Variants in TOP1 observed in about 807,000 individuals in gnomAD.
TOP1 encodes the protein DNA topoisomerase 1.
A neutral mutation model predicts 111.1 loss-of-function variants in TOP1; 10 were observed. The ratio of observed to expected loss-of-function variants is 0.09; its 90% CI spans 0.06 to 0.15. The LOEUF (loss-of-function observed/expected upper bound fraction) is 0.15, where lower values mean the gene tolerates loss of function less well. Ranked by LOEUF, TOP1 falls within the 10% of genes least tolerant of loss-of-function variation. TOP1 has a pLI of 1.00. For synonymous variants in TOP1, 271 were observed against 302.9 expected (o/e 0.89, Z 1.10); for missense variants, 474 against 926.7 (o/e 0.51, Z 6.34).
chr20:41,081,469 C>T (rs1293233282), intron 7 of TOP1, among the ~76,000 whole-genome samples: 1 of 152,210 alleles, frequency 6.6e-6, no homozygotes, highest in Non-Finnish European at 1.5e-5. Context: ...CTCAGCCTTC[C>T]TGGGTGTCTG....
chr20:41,122,627 G>T lies in TOP1; in HGVS notation c.2195+472G>T, dbSNP rs755474262. Among the ~76,000 whole-genome samples the T allele has an allele frequency of 1.3e-5, 2 of 152,200 alleles. No homozygotes were observed. The highest frequency in any genetic ancestry group is 6.5e-5 in the Admixed American group (1 of 15,280). On this transcript the variant is annotated intron_variant, in intron 20 of 20. Coordinates refer to ENST00000361337, the MANE Select transcript of TOP1 (RefSeq NM_003286.4). This position sits in a 1 kb window ranked among gnomAD's most constrained non-coding sequence, Gnocchi z 5.4. ...TTTAACAAAAGCAGATAAATACTAG[G>T]TTTCTCTGTGTGTCACACACAGTGT... is the stretch of plus-strand genomic sequence containing the variant.
intron 2 of TOP1, among the ~76,000 whole-genome samples, chr20:41,053,962 G>T (rs1163063876): frequency 2.0e-5 from 3 of 152,040 alleles, no homozygotes; most frequent in East Asian, 3.9e-4. Context: ...CCTTCATGGG[G>T]GTTATACCAA....
chr20:41,075,102 C>G (rs996413197), intron 3 of TOP1, among the ~76,000 whole-genome samples: 2 of 151,874 alleles, frequency 1.3e-5, no homozygotes, highest in South Asian at 4.2e-4. Flanking sequence ...TTTGTTTGTT[C>G]GTTTTTGTTT....
chr20:41,064,483 C>T (rs896848975), intron 3 of TOP1, among the ~76,000 whole-genome samples: 2 of 152,180 alleles, frequency 1.3e-5, no homozygotes, highest in African/African-American at 4.8e-5. Flanking sequence ...CACAGTCATT[C>T]CTTAACAGTT....
chr20:41,106,792 T>C lies in TOP1; in HGVS notation c.1308+5439T>C, dbSNP rs1377334659. Among the ~76,000 whole-genome samples, 2 of 152,176 alleles carry C rather than the reference T, an allele frequency of 1.3e-5. No individual in the cohort carries two copies. Among genetic ancestry groups the C allele is most frequent in the African/African-American group, 2.4e-5 (1 of 41,460 alleles). ...GAGTTGTTCAGGGTTGCTGAACTCT[T>C]AGTTCTAAAAGTGTCTGTCATTTGG... On this transcript the variant is annotated intron_variant, in intron 13 of 20. Transcript: ENST00000361337. This position sits in a 1 kb window ranked among gnomAD's most constrained non-coding sequence, Gnocchi z 4.3.
At position 41,116,572 on chromosome 20, in the gene TOP1, G is replaced by A. The variant is rs1291208412; in HGVS notation, c.1822+180G>A. On this transcript the variant is annotated intron_variant, in intron 17 of 20. Coordinates refer to ENST00000361337, the MANE Select transcript of TOP1 (RefSeq NM_003286.4). This position sits in a 1 kb window ranked among gnomAD's most constrained non-coding sequence, Gnocchi z 5.6. ...GTTGTATAAACATAGGATCAATGCT[G>A]TTTCCCCCTTCCCACCCCAACTTCA... 6.6e-6 allele frequency among the ~76,000 whole-genome samples: 1 copy of A among 152,084 alleles called. No homozygotes were observed. Among genetic ancestry groups the A allele is most frequent in the Non-Finnish European group, 1.5e-5 (1 of 68,040 alleles).
At position 41,036,401 on chromosome 20, in the gene TOP1, A is replaced by G. The variant is rs374923018; in HGVS notation, c.58+6946A>G. Among the ~76,000 whole-genome samples, 34 of 152,344 alleles carry G rather than the reference A, an allele frequency of 2.2e-4. 3 individuals carry two copies. Among genetic ancestry groups the G allele is most frequent in the African/African-American group, 7.7e-4 (32 of 41,582 alleles). ...ATCGAGATAAGTCCCTGTTCTTCCTATGAAACATGATCTGACCACTGAACC... is the reference window on the plus strand; with the variant it reads ...ATCGAGATAAGTCCCTGTTCTTCCTGTGAAACATGATCTGACCACTGAACC... On this transcript the variant is annotated intron_variant, in intron 2 of 20. Coordinates refer to ENST00000361337, the MANE Select transcript of TOP1 (RefSeq NM_003286.4).
chr20:41,081,918 G>T lies in TOP1; in HGVS notation c.507+678G>T, dbSNP rs34780300. On this transcript the variant is annotated intron_variant, in intron 7 of 20. Transcript: ENST00000361337. ...CCTATAACCTTCCTCAAAAAACTCA[G>T]TTCCGTTTAAATGCTTTCCTAAATG... Among the ~76,000 whole-genome samples, 1,293 of 152,274 alleles carry T rather than the reference G, an allele frequency of 8.5e-3. 18 individuals are homozygous for T. The highest frequency in any genetic ancestry group is 0.051 in the South Asian group (246 of 4,826).
chr20:41,121,820 C>T lies in TOP1; in HGVS notation c.2045+30C>T, dbSNP rs773325651. 12 of 1,603,852 alleles carry T rather than the reference C, an allele frequency of 7.5e-6. No individual in the cohort carries two copies. The highest frequency in any genetic ancestry group is 1.7e-5 in the Admixed American group (1 of 59,982). On this transcript the variant is annotated intron_variant, in intron 19 of 20. Coordinates refer to ENST00000361337, the MANE Select transcript of TOP1 (RefSeq NM_003286.4). The surrounding 1 kb of genome is among the most constrained non-coding windows in gnomAD (Gnocchi z 4.2). Reference sequence around the variant, plus strand: ...GTACCTGGTATTGTGAAAGTTGGGGCTGGTAGAGAAAAGTGTGCAGCATCT... The same window carrying T: ...GTACCTGGTATTGTGAAAGTTGGGGTTGGTAGAGAAAAGTGTGCAGCATCT...
chr20:41,058,794 C>T lies in TOP1; in HGVS notation c.59-2600C>T, dbSNP rs539005758. On this transcript the variant is annotated intron_variant, in intron 2 of 20. Coordinates refer to ENST00000361337, the MANE Select transcript of TOP1 (RefSeq NM_003286.4). This position sits in a 1 kb window ranked among gnomAD's most constrained non-coding sequence, Gnocchi z 4.2. Reference sequence around the variant, plus strand: ...TTGTGTAAGGTTAGAATAGAGGGTCCGGAAATAGACCTATAATTATATGAC... The same window carrying T: ...TTGTGTAAGGTTAGAATAGAGGGTCTGGAAATAGACCTATAATTATATGAC... Among the ~76,000 whole-genome samples the T allele has an allele frequency of 1.4e-4, 22 of 152,000 alleles. No homozygotes were observed. In the South Asian group the frequency reaches 3.7e-3, roughly 26 times the overall value.
chr20:41,118,329 G>A lies in TOP1; in HGVS notation c.1950+33G>A, dbSNP rs1310659660. The A allele has an allele frequency of 1.2e-6, 2 of 1,610,126 alleles. No homozygotes were observed. Among genetic ancestry groups the A allele is most frequent in the Non-Finnish European group, 8.5e-7 (1 of 1,177,182 alleles). ...GGATAAAATGAAGGGAACTGTGTCTGCTGTGGGCAGATTATCTGCGAATGA... is the reference window on the plus strand; with the variant it reads ...GGATAAAATGAAGGGAACTGTGTCTACTGTGGGCAGATTATCTGCGAATGA... On this transcript the variant is annotated intron_variant, in intron 18 of 20. Transcript: ENST00000361337. This position sits in a 1 kb window ranked among gnomAD's most constrained non-coding sequence, Gnocchi z 4.6.
chr20:41,097,469 C>A lies in TOP1; in HGVS notation c.852+128C>A. 1 of 986,990 alleles carries A rather than the reference C, an allele frequency of 1.0e-6. No individual in the cohort carries two copies. The highest frequency in any genetic ancestry group is 1.5e-6 in the Non-Finnish European group (1 of 685,556). The allele number at this position is 986,990 out of a possible 1,614,324, so 61.1% of individuals were successfully genotyped here. ...TTGTATGGATTTTGTTGTATTTAAA[C>A]TTGCGTATTTTTTGTCTTCATTTAC... On this transcript the variant is annotated intron_variant, in intron 10 of 20. Coordinates refer to ENST00000361337, the MANE Select transcript of TOP1 (RefSeq NM_003286.4). This position sits in a 1 kb window ranked among gnomAD's most constrained non-coding sequence, Gnocchi z 4.2.
Position 41,113,958 on chromosome 20 carries a change from T to C in TOP1, c.1453-12T>C, listed in dbSNP as rs1193260029. 3.1e-6 allele frequency: 5 copies of C among 1,608,466 alleles called. No homozygotes were observed. The highest frequency in any genetic ancestry group is 4.2e-6 in the Non-Finnish European group (5 of 1,176,476). On this transcript the variant is annotated splice_polypyrimidine_tract_variant and intron_variant, in intron 14 of 20. Coordinates refer to ENST00000361337, the MANE Select transcript of TOP1 (RefSeq NM_003286.4). ...TCCATTCATGCTCATCTTTTCTTTC[T>C]TTCCTGGGCAGCTTGCTCTGAGAGC...
At chr20:41,096,172 T>A (rs2033979491) in intron 9 of TOP1, among the ~76,000 whole-genome samples, 1 of 152,214 alleles carries the variant, frequency 6.6e-6, no homozygotes, top group Admixed American at 6.5e-5. Flanking sequence ...GTTCAAGCGA[T>A]TCTCATGCCT....
rs1446531189 is a variant in TOP1, at chr20:41,058,323, T to C, written c.59-3071T>C. 1.3e-5 allele frequency among the ~76,000 whole-genome samples: 2 copies of C among 152,248 alleles called. No homozygotes were observed. The highest frequency in any genetic ancestry group is 4.8e-5 in the African/African-American group (2 of 41,466). The stretch of plus-strand genomic sequence containing the variant: ...AGCTTAAAACAACAGACACTTATTT[T>C]CTCATGTAGTTCCTGTGAGTCAGGA... On this transcript the variant is annotated intron_variant, in intron 2 of 20. Transcript: ENST00000361337. This position sits in a 1 kb window ranked among gnomAD's most constrained non-coding sequence, Gnocchi z 4.2.
chr20:41,034,883 C>CT lies in TOP1; in HGVS notation c.58+5437dup, dbSNP rs36000978. ...TTTTAATTTTAACTTCTTTCCTTTA[C>CT]TTTTTTTTTGGGCGGGGTGGGGGGC... On this transcript the variant is annotated intron_variant, in intron 2 of 20. Coordinates refer to ENST00000361337, the MANE Select transcript of TOP1 (RefSeq NM_003286.4). This position sits in a 1 kb window ranked among gnomAD's most constrained non-coding sequence, Gnocchi z 4.0. Among the ~76,000 whole-genome samples the CT allele has an allele frequency of 1.3e-5, 2 of 149,180 alleles. No homozygotes were observed. The highest frequency in any genetic ancestry group is 2.1e-4 in the South Asian group (1 of 4,690).
rs2034374954 is a variant in TOP1, at chr20:41,118,838, AG to A, written c.1950+545del. Among the ~76,000 whole-genome samples the A allele has an allele frequency of 6.6e-6, 1 of 152,232 alleles. No individual in the cohort carries two copies. The highest frequency in any genetic ancestry group is 2.4e-5 in the African/African-American group (1 of 41,456). The stretch of plus-strand genomic sequence containing the variant: ...TGTGCCAGACAACTTGCTGCCCTAA[AG>A]GGAAAGACTGGTGTGCAAATAGGTG... On this transcript the variant is annotated intron_variant, in intron 18 of 20. Coordinates refer to ENST00000361337, the MANE Select transcript of TOP1 (RefSeq NM_003286.4). This position sits in a 1 kb window ranked among gnomAD's most constrained non-coding sequence, Gnocchi z 4.6.
In TOP1 at chr20:41,112,301, G is replaced by A. The variant is rs2034255384; in HGVS notation, c.1309-481G>A. On this transcript the variant is annotated intron_variant, in intron 13 of 20. Coordinates refer to ENST00000361337, the MANE Select transcript of TOP1 (RefSeq NM_003286.4). This position sits in a 1 kb window ranked among gnomAD's most constrained non-coding sequence, Gnocchi z 5.8. ...GGGTCACAGAGTTGGCAGCAAGGCTGTGAAATTGATGTGGGAATGGGGGTG... is the reference window on the plus strand; with the variant it reads ...GGGTCACAGAGTTGGCAGCAAGGCTATGAAATTGATGTGGGAATGGGGGTG... 6.6e-6 allele frequency among the ~76,000 whole-genome samples: 1 copy of A among 152,216 alleles called. No individual in the cohort carries two copies. The highest frequency in any genetic ancestry group is 2.1e-4 in the South Asian group (1 of 4,832).
intron 2 of TOP1, among the ~76,000 whole-genome samples, chr20:41,042,541 T>C (rs1367037892): frequency 6.6e-6 from 1 of 152,236 alleles, no homozygotes; most frequent in East Asian, 1.9e-4. Flanking sequence ...AGTGGAATAC[T>C]GAAAATCCAG....
Sources: gnomAD v4.1 joint callset for allele counts (sites outside exome capture counted in the v4.1 genomes callset) on GRCh38, gnomAD v4.1.1 for gene constraint, Gnocchi (gnomAD v3.1) non-coding constraint, MANE v1.5 for transcripts, NCBI Gene and HGNC (gene_info 2026-07-23, HGNC 2026-07-21) for gene names.